Variants in U2AF2 observed in about 807,000 individuals in gnomAD.
U2AF2 encodes the protein U2 small nuclear RNA auxiliary factor 2.
Under a neutral mutation model 52.6 loss-of-function variants are expected in U2AF2, and 6 were observed. That is an observed-to-expected ratio of 0.11 (90% CI 0.06 to 0.23). The LOEUF (loss-of-function observed/expected upper bound fraction) is 0.23. Among genes scored for constraint, U2AF2 ranks in the 10% least tolerant of loss-of-function variants. The probability of loss-of-function intolerance (pLI) is 1.00; values close to 1 mark genes in which losing one functional copy is unlikely to be tolerated. For missense variants in U2AF2, 222 were observed against 677.1 expected, an observed-to-expected ratio of 0.33 and a Z score of 7.46; for synonymous variants, 284 against 258.2, an observed-to-expected ratio of 1.10 and a Z score of -0.96.
At chr19:55,666,758 C>T (rs556163766) in intron 7 of U2AF2, among the ~76,000 whole-genome samples, 45 of 152,226 alleles carry the variant, frequency 3.0e-4, no homozygotes, top group Middle Eastern at 3.2e-3. Flanking sequence ...GTATCCTTGG[C>T]TCTGTGTTGC....
chr19:55,673,612 A>ACACT, intron 11 of U2AF2, among the ~76,000 whole-genome samples: 1 of 152,154 alleles, frequency 6.6e-6, no homozygotes, highest in Non-Finnish European at 1.5e-5. Context: ...TGTGGAGTAG[A>ACACT]CACTCAGCAC....
rs1984658237 is a variant in U2AF2, at chr19:55,668,057, C to T, written c.743-450C>T. ...TTGGCCTCCCAAAGTGCTGAGATTACAGGCGTGAGCCCCCGCGCCCGGCCG... is the reference window on the plus strand; with the variant it reads ...TTGGCCTCCCAAAGTGCTGAGATTATAGGCGTGAGCCCCCGCGCCCGGCCG... On this transcript the variant is annotated intron_variant, in intron 7 of 11. Coordinates refer to ENST00000308924, the MANE Select transcript of U2AF2 (RefSeq NM_007279.3). This position sits in a 1 kb window ranked among gnomAD's most constrained non-coding sequence, Gnocchi z 5.5. 6.6e-6 allele frequency among the ~76,000 whole-genome samples: 1 copy of T among 152,166 alleles called. No homozygotes were observed.
intron 11 of U2AF2, chr19:55,671,963 A>T (rs928200157): frequency 6.6e-6 from 1 of 152,016 alleles, no homozygotes; most frequent in African/African-American, 2.4e-5. Context: ...CATCTCTACT[A>T]AAAAATACAA....
chr19:55,661,405 C>G, intron 5 of U2AF2: 2 of 512,510 alleles, frequency 3.9e-6, no homozygotes, highest in East Asian at 3.3e-5. Context: ...CTCCCCTCCC[C>G]CCAACCTCCT....
chr19:55,672,947 ATTTTT>A (rs879660112), intron 11 of U2AF2, among the ~76,000 whole-genome samples: 1 of 132,412 alleles, frequency 7.6e-6, no homozygotes, highest in Non-Finnish European at 1.6e-5. Context: ...CCGGCCAATA[ATTTTT>A]TTTTTTTTGA....
chr19:55,669,314 G>A (rs949842272), intron 10 of U2AF2, 130 bp from the exon 11 acceptor site: 35 of 1,545,112 alleles, frequency 2.3e-5, no homozygotes, highest in Non-Finnish European at 3.1e-5. Context: ...GTGTTGGGGA[G>A]TCGGGCTTTA....
Position 55,668,384 on chromosome 19 carries a change from C to A in U2AF2, c.743-123C>A. On this transcript the variant is annotated intron_variant, in intron 7 of 11. Transcript: ENST00000308924. The surrounding 1 kb of genome is among the most constrained non-coding windows in gnomAD (Gnocchi z 5.5). ...GGGGTGGGGTGGGCACGTGGCGACC[C>A]CTCCCTCGTCAGATCAGGCAGGAAG... The A allele has an allele frequency of 1.0e-6, 1 of 988,534 alleles. No individual in the cohort carries two copies. Among genetic ancestry groups the A allele is most frequent in the Non-Finnish European group, 1.5e-6 (1 of 688,094 alleles). The allele number at this position is 988,534 out of a possible 1,614,324, so 61.2% of individuals were successfully genotyped here. A position where few individuals can be genotyped will look rare whatever the true frequency, so the allele number is the denominator to read the frequency against.
At chr19:55,673,803 C>T in intron 11 of U2AF2, 131 bp from the exon 12 acceptor site, 3 of 1,286,968 alleles carry the variant, frequency 2.3e-6, no homozygotes, top group South Asian at 1.5e-5. Context: ...TACTAAGGGT[C>T]CCTTTCTGAC....
chr19:55,660,758 C>T, intron 4 of U2AF2, 139 bp downstream of exon 4: 1 of 930,870 alleles, frequency 1.1e-6, no homozygotes. Context: ...GTTCTGGTCT[C>T]TGCGCTTTTG....
intron 7 of U2AF2, among the ~76,000 whole-genome samples, chr19:55,667,785 T>C (rs1984636156): frequency 7.0e-6 from 1 of 143,032 alleles, no homozygotes; most frequent in Non-Finnish European, 1.5e-5. Context: ...GGGACTGAGC[T>C]TTTTTTTTTT....
intron 1 of U2AF2, among the ~76,000 whole-genome samples, chr19:55,657,053 C>T (rs1983840839): frequency 6.6e-6 from 1 of 152,236 alleles, no homozygotes; most frequent in African/African-American, 2.4e-5. Flanking sequence ...AAAGCAGGTA[C>T]TGATTCTGAG....
intron 11 of U2AF2, 128 bp from the exon 12 acceptor site, chr19:55,673,806 T>C: frequency 7.3e-7 from 1 of 1,367,500 alleles, no homozygotes; most frequent in Non-Finnish European, 9.9e-7. Context: ...TAAGGGTCCC[T>C]TTCTGACACC....
chr19:55,660,912 G>A, intron 4 of U2AF2, 126 bp from the exon 5 acceptor site: 1 of 1,436,984 alleles, frequency 7.0e-7, no homozygotes, highest in Non-Finnish European at 9.2e-7. Flanking sequence ...GAGGGTTCTG[G>A]AAGGTGCTAA....
At chr19:55,657,420 C>T (rs1465555385) in intron 1 of U2AF2, among the ~76,000 whole-genome samples, 14 of 152,212 alleles carry the variant, frequency 9.2e-5, no homozygotes, top group Non-Finnish European at 1.8e-4. Context: ...TCAGTCCTTT[C>T]CTCTGCTACC....
At chr19:55,661,409 A>G (rs1211467981) in intron 5 of U2AF2, 2 of 436,762 alleles carry the variant, frequency 4.6e-6, no homozygotes, top group South Asian at 4.3e-5. Context: ...CCTCCCCCCA[A>G]CCTCCTCCAG....
At chr19:55,661,302 C>A (rs1485639010) in intron 5 of U2AF2, 113 bp downstream of exon 5, 2 of 1,188,500 alleles carry the variant, frequency 1.7e-6, no homozygotes, top group South Asian at 4.1e-5. Context: ...CCTGCAAGAC[C>A]CCCCGGCCCC....
intron 4 of U2AF2, 37 bp downstream of exon 4, chr19:55,660,656 G>T: frequency 6.3e-7 from 1 of 1,579,796 alleles, no homozygotes; most frequent in Non-Finnish European, 8.7e-7. Context: ...GAGCGGGAGG[G>T]TACAGGGGTT....
At chr19:55,659,104 G>T in intron 1 of U2AF2, 106 bp from the exon 2 acceptor site, 2 of 1,367,320 alleles carry the variant, frequency 1.5e-6, no homozygotes, top group Non-Finnish European at 1.9e-6. Context: ...CTTCCCTTTG[G>T]GGGTGGCCTC....
At chr19:55,656,417 T>C (rs968413472) in intron 1 of U2AF2, among the ~76,000 whole-genome samples, 1 of 152,234 alleles carries the variant, frequency 6.6e-6, no homozygotes, top group African/African-American at 2.4e-5. Context: ...CTCAAGAGCA[T>C]AGGCTTTGGA....
Sources: allele counts gnomAD v4.1 joint callset (sites outside exome capture counted in the v4.1 genomes callset), GRCh38; gene constraint gnomAD v4.1.1; non-coding constraint Gnocchi (gnomAD v3.1); transcripts MANE v1.5; gene names NCBI Gene and HGNC (gene_info 2026-07-23, HGNC 2026-07-21).